The following SLC25A26 variants were observed in gnomAD, a reference collection of about 807,000 sequenced individuals.
SLC25A26 encodes the protein solute carrier family 25 member 26, also known as mitochondrial S-adenosylmethionine carrier protein.
In SLC25A26, 36 loss-of-function variants were observed where a neutral mutation model predicts 37.8. That is an observed-to-expected ratio of 0.95 (90% CI 0.73 to 1.26). SLC25A26 has a LOEUF of 1.26. Ranked by LOEUF, SLC25A26 falls within the 50% of genes most tolerant of loss-of-function variation. The pLI, the probability that SLC25A26 is intolerant of heterozygous loss-of-function variation, is 0.00. For missense variants in SLC25A26, 390 were observed against 331.1 expected, an observed-to-expected ratio of 1.18 and a Z score of -1.38; for synonymous variants, 129 against 122.5, an observed-to-expected ratio of 1.05 and a Z score of -0.35.
intron 6 of SLC25A26, among the ~76,000 whole-genome samples, chr3:66,352,524 A>T (rs369663104): frequency 6.7e-6 from 1 of 149,836 alleles, no homozygotes; most frequent in Non-Finnish European, 1.5e-5. Flanking sequence ...CATTCTATAT[A>T]CATCATTTTT....
At chr3:66,349,655 G>GT (rs1014229287) in intron 6 of SLC25A26, among the ~76,000 whole-genome samples, 1 of 152,028 alleles carries the variant, frequency 6.6e-6, no homozygotes, top group Non-Finnish European at 1.5e-5. Context: ...TAAAGCTGTC[G>GT]TAAGTATTTG....
upstream of SLC25A26, among the ~76,000 whole-genome samples, chr3:66,216,562 C>T (rs1001258704): frequency 6.6e-6 from 1 of 151,346 alleles, no homozygotes; most frequent in Non-Finnish European, 1.5e-5. Context: ...AAAACAGTAA[C>T]GGGGCTTGGA....
chr3:66,329,123 T>C (rs2075909918), intron 5 of SLC25A26, among the ~76,000 whole-genome samples: 1 of 152,238 alleles, frequency 6.6e-6, no homozygotes, highest in Non-Finnish European at 1.5e-5. Flanking sequence ...TATGTGACTT[T>C]TTTGGTTTTT....
intron 3 of SLC25A26, among the ~76,000 whole-genome samples, chr3:66,249,834 G>T (rs2073009404): frequency 6.6e-6 from 1 of 152,078 alleles, no homozygotes; most frequent in African/African-American, 2.4e-5. Flanking sequence ...ATGAATGAAG[G>T]TTCATCAATA....
chr3:66,371,713 G>A (rs1700353098), intron 9 of SLC25A26, among the ~76,000 whole-genome samples: 1 of 152,120 alleles, frequency 6.6e-6, no homozygotes, highest in African/African-American at 2.4e-5. Flanking sequence ...TTCTATCTGT[G>A]GCACATTAAT....
chr3:66,288,959 C>T (rs1427255109), intron 5 of SLC25A26, among the ~76,000 whole-genome samples: 1 of 152,102 alleles, frequency 6.6e-6, no homozygotes, highest in Non-Finnish European at 1.5e-5. Context: ...TAAAAGCATT[C>T]CTATTTCTCC....
At chr3:66,140,750 G>A (rs2070021285) in intron 1 of SLC25A26, among the ~76,000 whole-genome samples, 1 of 152,060 alleles carries the variant, frequency 6.6e-6, no homozygotes, top group Non-Finnish European at 1.5e-5. Flanking sequence ...TCAGATGACA[G>A]AAGGAATTCT....
At chr3:66,373,179 T>C (rs900250180) in intron 9 of SLC25A26, among the ~76,000 whole-genome samples, 3 of 152,236 alleles carry the variant, frequency 2.0e-5, no homozygotes, top group Admixed American at 1.3e-4. Context: ...TTGTTGACTG[T>C]GCCCTTTATG....
At chr3:66,297,857 G>A (rs1314128188) in intron 5 of SLC25A26, among the ~76,000 whole-genome samples, 1 of 152,164 alleles carries the variant, frequency 6.6e-6, no homozygotes, top group Non-Finnish European at 1.5e-5. Flanking sequence ...GCTGTGCTGT[G>A]CCTTAGATTA....
intron 5 of SLC25A26, among the ~76,000 whole-genome samples, chr3:66,306,396 G>T (rs2075222828): frequency 6.6e-6 from 1 of 151,924 alleles, no homozygotes; most frequent in South Asian, 2.1e-4. Context: ...TATGTTTGTT[G>T]GCTGCATGAA....
chr3:66,241,989 C>G (rs1255148194), intron 2 of SLC25A26, among the ~76,000 whole-genome samples: 2 of 151,776 alleles, frequency 1.3e-5, no homozygotes, highest in African/African-American at 4.8e-5. Flanking sequence ...TTAACTTGTT[C>G]AGCCCCCAAC....
intron 1 of SLC25A26, among the ~76,000 whole-genome samples, chr3:66,187,682 A>G (rs1168376898): frequency 1.3e-5 from 2 of 151,442 alleles, no homozygotes; most frequent in Admixed American, 6.6e-5. Flanking sequence ...TTCTATTTCC[A>G]TATAACTTGA....
intron 7 of SLC25A26, among the ~76,000 whole-genome samples, chr3:66,365,826 G>A (rs1203327139): frequency 6.6e-6 from 1 of 152,212 alleles, no homozygotes; most frequent in Non-Finnish European, 1.5e-5. Flanking sequence ...AGAGGGGTAT[G>A]GTGGTGCTCT....
At chr3:66,273,490 A>G (rs1576766141) in intron 5 of SLC25A26, among the ~76,000 whole-genome samples, 1 of 152,080 alleles carries the variant, frequency 6.6e-6, no homozygotes, top group African/African-American at 2.4e-5. Flanking sequence ...ACATGATTGT[A>G]TATCTAGAAA....
intron 1 of SLC25A26, among the ~76,000 whole-genome samples, chr3:66,183,773 G>A (rs2070762703): frequency 6.6e-6 from 1 of 151,748 alleles, no homozygotes. Flanking sequence ...GACACTGAAC[G>A]TGATGCTAAA....
At chr3:66,191,407 AC>A (rs1386254174) in intron 1 of SLC25A26, among the ~76,000 whole-genome samples, 3 of 152,210 alleles carry the variant, frequency 2.0e-5, no homozygotes, top group Admixed American at 2.0e-4. Flanking sequence ...ACAGACACAC[AC>A]GCACACAGAA....
At chr3:66,208,694 ATATATATATACACATTTATATGGG>A (rs2071215144) in intron 1 of SLC25A26, among the ~76,000 whole-genome samples, 1 of 143,786 alleles carries the variant, frequency 7.0e-6, no homozygotes, top group Non-Finnish European at 1.5e-5. Context: ...TTATATGGGT[ATATATATATACACATTTATATGGG>A]TATATATATA....
chr3:66,187,427 A>C, intron 1 of SLC25A26, among the ~76,000 whole-genome samples: 1 of 151,992 alleles, frequency 6.6e-6, no homozygotes, highest in Non-Finnish European at 1.5e-5. Context: ...CCTTACTCGG[A>C]TTTGGCCATC....
chr3:66,275,877 C>T (rs1318669479), intron 5 of SLC25A26, among the ~76,000 whole-genome samples: 2 of 151,966 alleles, frequency 1.3e-5, no homozygotes, highest in Admixed American at 6.6e-5. Context: ...TAGGTGTGTG[C>T]GAATTATCTC....
Sources: allele counts gnomAD v4.1 joint callset (sites outside exome capture counted in the v4.1 genomes callset), GRCh38; gene constraint gnomAD v4.1.1; transcripts MANE v1.5; gene names NCBI Gene and HGNC (gene_info 2026-07-23, HGNC 2026-07-21).